Variants in REV3L observed in about 807,000 individuals in gnomAD.
REV3L encodes the protein REV3 like, DNA directed polymerase zeta catalytic subunit.
In REV3L, 69 loss-of-function variants were observed where a neutral mutation model predicts 299.4. The observed-to-expected ratio is 0.23, with a 90% CI of 0.19 to 0.28. The LOEUF (loss-of-function observed/expected upper bound fraction) is 0.28. Among genes scored for constraint, REV3L ranks in the 10% least tolerant of loss-of-function variants. The pLI is 1.00. For missense variants in REV3L, 3,128 were observed against 3,693.8 expected, an observed-to-expected ratio of 0.85 and a Z score of 3.97; for synonymous variants, 1,238 against 1,271.4, an observed-to-expected ratio of 0.97 and a Z score of 0.56.
intron 1 of REV3L, chr6:111,431,044 AGTTC>A (rs1786859898): frequency 6.5e-7 from 1 of 1,536,852 alleles, no homozygotes. Flanking sequence ...TGGGCCCTAC[AGTTC>A]TTATGCACCG....
At chr6:111,428,645 CAA>C (rs1786476232) in intron 1 of REV3L, among the ~76,000 whole-genome samples, 1 of 151,532 alleles carries the variant, frequency 6.6e-6, no homozygotes, top group Non-Finnish European at 1.5e-5. Flanking sequence ...TCAGTGAGCT[CAA>C]AGACAGGCTA....
intron 3 of REV3L, among the ~76,000 whole-genome samples, chr6:111,408,374 G>GGGCGGATCACCTGAGGTC (rs2128277746): frequency 6.6e-6 from 1 of 152,186 alleles, no homozygotes; most frequent in East Asian, 1.9e-4. Flanking sequence ...AGCCTGAGGT[G>GGGCGGATCACCTGAGGTC]GGCGGATCAC....
chr6:111,379,844 A>C (rs1201734455), intron 11 of REV3L, 138 bp downstream of exon 11: 1 of 660,562 alleles, frequency 1.5e-6, no homozygotes, highest in Non-Finnish European at 2.6e-6. Context: ...TGAAAAACAG[A>C]TCACTAAAGG....
Position 111,374,386 on chromosome 6 carries a change from A to G in REV3L, c.3969T>C (p.Val1323=), listed in dbSNP as rs1780090520. 2.5e-6 allele frequency: 4 copies of G among 1,613,934 alleles called. No individual in the cohort carries two copies. The highest frequency in any genetic ancestry group is 1.6e-4 in the Middle Eastern group (1 of 6,084). The change falls in exon 13 of 32, where the codon GTT becomes GTC. Residue 1323 remains valine, a synonymous_variant. Transcript: ENST00000368802. Reference sequence around the variant, plus strand: ...AGACTCCAGGTCCTATAGAATTACAAACAACTGATGGATGCAAATCATCTC... The same window carrying G: ...AGACTCCAGGTCCTATAGAATTACAGACAACTGATGGATGCAAATCATCTC... ...SSRDDLHPSV[V]CNSIGPGVSK...
chr6:111,469,129 T>A (rs1791872272), intron 1 of REV3L, among the ~76,000 whole-genome samples: 1 of 152,076 alleles, frequency 6.6e-6, no homozygotes, highest in Admixed American at 6.5e-5. Context: ...ACCATTGCAC[T>A]CCAGCCTGGG....
chr6:111,456,817 G>A (rs1339719042), intron 1 of REV3L, among the ~76,000 whole-genome samples: 1 of 152,158 alleles, frequency 6.6e-6, no homozygotes, highest in African/African-American at 2.4e-5. Context: ...TAATAGAAGC[G>A]TATCTTGCTT....
intron 1 of REV3L, among the ~76,000 whole-genome samples, chr6:111,463,806 T>A (rs1791084362): frequency 6.6e-6 from 1 of 152,202 alleles, no homozygotes; most frequent in African/African-American, 2.4e-5. Context: ...TCATGGACAT[T>A]AAGCAAGGAC....
intron 1 of REV3L, among the ~76,000 whole-genome samples, chr6:111,422,974 T>C (rs1252340144): frequency 6.6e-6 from 1 of 151,978 alleles, no homozygotes; most frequent in Non-Finnish European, 1.5e-5. Context: ...ATCGCTGAAA[T>C]ACCAGATGTT....
chr6:111,368,000 C>G lies in REV3L; in HGVS notation c.5788G>C (p.Glu1930Gln), dbSNP rs1448464343. 6.2e-7 allele frequency: 1 copy of G among 1,610,770 alleles called. No individual in the cohort carries two copies. Among genetic ancestry groups the G allele is most frequent in the Admixed American group, 1.7e-5 (1 of 59,430 alleles). Residue 1930 changes from glutamate (E) to glutamine (Q), a missense_variant, in exon 14 of 32, where the codon GAA (glutamate) becomes CAA (glutamine). Physicochemically the swap from Glu to Gln is conservative, Grantham distance 29 (BLOSUM62 2). Coordinates refer to ENST00000368802, the MANE Select transcript of REV3L (RefSeq NM_001372078.1). ...GCCAGATCATTTGCAAGTCGAGTTT[C>G]TACCATGAGGAGCCGTCCACCAATC... ...REIGGRLLMV[E>Q]TRLANDLAEF...
At chr6:111,475,348 T>A (rs528967978) in intron 1 of REV3L, among the ~76,000 whole-genome samples, 3 of 152,200 alleles carry the variant, frequency 2.0e-5, no homozygotes, top group Non-Finnish European at 4.4e-5. Flanking sequence ...TTGACATATA[T>A]GCAAAATCTT....
intron 25 of REV3L, among the ~76,000 whole-genome samples, chr6:111,323,418 A>G (rs904960791): frequency 7.9e-5 from 12 of 152,232 alleles, no homozygotes; most frequent in African/African-American, 2.9e-4. Context: ...TTTCAATATC[A>G]TTAAAGTTAA....
intron 1 of REV3L, among the ~76,000 whole-genome samples, chr6:111,464,819 T>G (rs13191905): frequency 2.4e-3 from 362 of 152,066 alleles, no homozygotes; most frequent in Middle Eastern, 0.017. Flanking sequence ...CTGGGCAACA[T>G]GGTGAAACCC....
At chr6:111,324,866 CT>C (rs11346378) in intron 25 of REV3L, among the ~76,000 whole-genome samples, 128,545 of 144,038 alleles carry the variant, frequency 0.89, 57,465 homozygotes, top group African/African-American at 0.97. Context: ...GCTCAAAAGT[CT>C]TTTTTTTTTT....
At position 111,374,385 on chromosome 6, in the gene REV3L, AAAC is replaced by A. The variant is rs1395147733; in HGVS notation, c.3967_3969del (p.Val1323del). ...GAGACTCCAGGTCCTATAGAATTAC[AAAC>A]AACTGATGGATGCAAATCATCTCGT... On this transcript the variant is annotated inframe_deletion, in exon 13 of 32. Coordinates refer to ENST00000368802, the MANE Select transcript of REV3L (RefSeq NM_001372078.1). The A allele has an allele frequency of 6.2e-7, 1 of 1,613,932 alleles. No homozygotes were observed. The highest frequency in any genetic ancestry group is 2.2e-5 in the East Asian group (1 of 44,890).
intron 9 of REV3L, among the ~76,000 whole-genome samples, chr6:111,386,578 T>C (rs116964195): frequency 0.015 from 2,325 of 152,290 alleles, 25 homozygotes; most frequent in South Asian, 0.045. Flanking sequence ...CCACATGCCC[T>C]AGTAATTCTT....
intron 14 of REV3L, among the ~76,000 whole-genome samples, chr6:111,366,450 T>A (rs1001671996): frequency 1.3e-5 from 2 of 152,016 alleles, no homozygotes; most frequent in South Asian, 2.1e-4. Context: ...ACTCCAACAT[T>A]TAGATAACAA....
chr6:111,374,046 T>C lies in REV3L; in HGVS notation c.4309A>G (p.Lys1437Glu). Residue 1437 changes from lysine to glutamate, a missense_variant, in exon 13 of 32, where the codon AAG becomes GAG. Physicochemically the swap from Lys to Glu is moderately conservative, Grantham distance 56. This residue lies in a region of REV3L where 2,409 missense variants were observed against 2,611.8 expected (regional missense o/e 0.92). Transcript: ENST00000368802. ...QQIVCIAEQS[K>E]HSETCSPGNT... The stretch of plus-strand genomic sequence containing the variant: ...CCCGGAGAACAAGTTTCACTGTGCT[T>C]TGACTGTTCCGCTATGCACACAATC... 1.9e-6 allele frequency: 3 copies of C among 1,614,172 alleles called. No individual in the cohort carries two copies. The highest frequency in any genetic ancestry group is 2.5e-6 in the Non-Finnish European group (3 of 1,179,996).
At chr6:111,393,376 CATA>C (rs1325240800) in intron 4 of REV3L, among the ~76,000 whole-genome samples, 34 of 152,180 alleles carry the variant, frequency 2.2e-4, no homozygotes, top group Non-Finnish European at 4.4e-4. Flanking sequence ...TTTATTGATA[CATA>C]ATATTTGTAC....
intron 1 of REV3L, among the ~76,000 whole-genome samples, chr6:111,442,660 T>C (rs976676150): frequency 5.3e-5 from 8 of 151,918 alleles, no homozygotes; most frequent in Non-Finnish European, 1.0e-4. Context: ...TGTTTTCTAT[T>C]TTTCCTGCTT....
Sources: allele counts gnomAD v4.1 joint callset (sites outside exome capture counted in the v4.1 genomes callset), GRCh38; gene constraint gnomAD v4.1.1; regional missense constraint gnomAD v4.1.1; transcripts MANE v1.5; gene names NCBI Gene and HGNC (gene_info 2026-07-23, HGNC 2026-07-21).